The following SPA17 variants were observed in gnomAD, a reference collection of about 807,000 sequenced individuals.
SPA17 encodes sperm autoantigenic protein 17.
SPA17 carries 7 observed loss-of-function variants against 13.8 expected under a neutral mutation model. That is an observed-to-expected ratio of 0.51 (90% confidence interval 0.29 to 0.95). The LOEUF (loss-of-function observed/expected upper bound fraction) is 0.95. Among genes scored for constraint, SPA17 ranks in the 40% least tolerant of loss-of-function variants. SPA17 has a pLI of 0.08. For synonymous variants in SPA17, 61 were observed against 59.0 expected (o/e 1.03, Z -0.16); for missense variants, 170 against 179.3 (o/e 0.95, Z 0.30).
chr11:124,683,353 C>T (rs1943545533), intron 3 of SPA17, among the ~76,000 whole-genome samples: 3 of 151,884 alleles, frequency 2.0e-5, no homozygotes, highest in South Asian at 2.1e-4. Flanking sequence ...AATGGGCCCA[C>T]TACAGAATTC....
intron 2 of SPA17, among the ~76,000 whole-genome samples, chr11:124,678,246 C>T (rs890439788): frequency 2.6e-5 from 4 of 151,812 alleles, no homozygotes; most frequent in African/African-American, 4.8e-5. Flanking sequence ...AACTATCTCT[C>T]GATAATACTA....
intron 4 of SPA17, among the ~76,000 whole-genome samples, chr11:124,692,412 C>G (rs1189568285): frequency 1.3e-5 from 2 of 151,878 alleles, no homozygotes; most frequent in Non-Finnish European, 2.9e-5. Context: ...AACCCCATCT[C>G]TACTAAAAAT....
chr11:124,680,531 G>A (rs1334314809), intron 2 of SPA17, among the ~76,000 whole-genome samples: 1 of 152,174 alleles, frequency 6.6e-6, no homozygotes, highest in African/African-American at 2.4e-5. Flanking sequence ...AGAGCTGTGT[G>A]TGCCCGTTTT....
At chr11:124,692,803 A>G (rs960636686) in intron 4 of SPA17, among the ~76,000 whole-genome samples, 2 of 152,174 alleles carry the variant, frequency 1.3e-5, no homozygotes, top group African/African-American at 2.4e-5. Context: ...TAGGCCTCAT[A>G]AGAAAGAAGA....
intron 3 of SPA17, among the ~76,000 whole-genome samples, chr11:124,687,121 A>G (rs1943584863): frequency 6.6e-6 from 1 of 152,208 alleles, no homozygotes; most frequent in Non-Finnish European, 1.5e-5. Flanking sequence ...GATAGCACAG[A>G]AATACAAATG....
intron 4 of SPA17, among the ~76,000 whole-genome samples, chr11:124,692,938 C>G (rs1943637231): frequency 6.6e-6 from 1 of 152,206 alleles, no homozygotes; most frequent in South Asian, 2.1e-4. Flanking sequence ...TACTTCCTAC[C>G]TAGTGATGCA....
At chr11:124,675,468 G>C (rs370633521) in intron 2 of SPA17, 50 bp downstream of exon 2, 5 of 1,587,562 alleles carry the variant, frequency 3.1e-6, no homozygotes, top group Non-Finnish European at 4.3e-6. Context: ...CTAAGCATTT[G>C]TTTATGGTAA....
rs1030515550 is a variant in SPA17 at position 124,681,260 on chromosome 11, T to C, written c.155-129T>C. The C allele has an allele frequency of 9.3e-6, 5 of 539,392 alleles. No homozygotes were observed. In the African/African-American group the frequency reaches 9.8e-5, roughly 11 times the overall value. The allele number at this position is 539,392 out of a possible 1,614,324, so 33.4% of individuals were successfully genotyped here. ...CTGCAGTGCTACGCTATGCACAATG[T>C]CAATAAGATTTTGGACTGCCAGTAA... On this transcript the variant is annotated intron_variant, in intron 2 of 4. Transcript: ENST00000227135.
chr11:124,691,056 T>C (rs1219503892), intron 3 of SPA17, among the ~76,000 whole-genome samples: 2 of 152,222 alleles, frequency 1.3e-5, no homozygotes, highest in African/African-American at 4.8e-5. Flanking sequence ...TTTTTTTAAT[T>C]CTAAAGGCTT....
chr11:124,689,146 A>G (rs1943601552), intron 3 of SPA17, among the ~76,000 whole-genome samples: 1 of 152,196 alleles, frequency 6.6e-6, no homozygotes, highest in African/African-American at 2.4e-5. Context: ...ATCTCCCATC[A>G]TACACAAAAA....
At position 124,679,548 on chromosome 11, in the gene SPA17, C is replaced by T. The variant is rs1219976636; in HGVS notation, c.155-1841C>T. Among the ~76,000 whole-genome samples the T allele has an allele frequency of 2.0e-5, 3 of 152,152 alleles. No individual in the cohort carries two copies. In the East Asian group the frequency reaches 5.8e-4, roughly 29 times the overall value. On this transcript the variant is annotated intron_variant, in intron 2 of 4. Coordinates refer to ENST00000227135, the MANE Select transcript of SPA17 (RefSeq NM_017425.4). ...GAGTTGAAAAATATCAGTGTGACCT[C>T]ATGTTTTCTCTTTAAAAAATGAAAG...
intron 4 of SPA17, 113 bp from the exon 5 acceptor site, chr11:124,694,190 C>T: frequency 7.4e-7 from 1 of 1,346,100 alleles, no homozygotes; most frequent in Non-Finnish European, 1.0e-6. Context: ...CAGGAAGCAA[C>T]AGCTCTCAGA....
At chr11:124,682,212 C>A (rs985031607) in intron 3 of SPA17, among the ~76,000 whole-genome samples, 1 of 152,110 alleles carries the variant, frequency 6.6e-6, no homozygotes, top group African/African-American at 2.4e-5. Flanking sequence ...TCAAAACATT[C>A]TCTGTGTTCC....
chr11:124,694,673 C>A lies in SPA17; in HGVS notation c.*227C>A. 2.2e-6 allele frequency: 1 copy of A among 444,660 alleles called. No homozygotes were observed. The highest frequency in any genetic ancestry group is 3.9e-6 in the Non-Finnish European group (1 of 254,550). The allele number at this position is 444,660 out of a possible 1,614,324, so 27.5% of individuals were successfully genotyped here. On this transcript the variant is annotated 3_prime_UTR_variant, in exon 5 of 5. Coordinates refer to ENST00000227135, the MANE Select transcript of SPA17 (RefSeq NM_017425.4). ...TTGTTTACACTTGTCTCAAGCCTAT[C>A]TATAGAGACCCTTGGATTTAGAATT...
At position 124,695,752 on chromosome 11, in the gene SPA17, T is replaced by C. The variant is rs1370321492; in HGVS notation, c.*1306T>C. On this transcript the variant is annotated 3_prime_UTR_variant, in exon 5 of 5. Transcript: ENST00000227135. ...TTCCAGGATTACATCTCTCTTGGTT[T>C]ATAGTCACAAAGCCAGTGTTCCCCC... 6.6e-6 allele frequency: 1 copy of C among 152,284 alleles called. No homozygotes were observed. The highest frequency in any genetic ancestry group is 1.5e-5 in the Non-Finnish European group (1 of 68,084). 9.4% of individuals were successfully genotyped at this position (152,284 alleles called of 1,614,324 possible). A position where few individuals can be genotyped will look rare whatever the true frequency, so the allele number is the denominator to read the frequency against.
chr11:124,675,878 C>T (rs895969048), intron 2 of SPA17: 2 of 155,546 alleles, frequency 1.3e-5, no homozygotes, highest in African/African-American at 2.4e-5. Context: ...AAGAATTCTG[C>T]ACTCTTTAAA....
In SPA17 at chr11:124,675,730, A is replaced by G. The variant is rs190754420; in HGVS notation, c.154+312A>G. On this transcript the variant is annotated intron_variant, in intron 2 of 4. Transcript: ENST00000227135. ...GAAATCAGTGGGGGAAAAAAAGATC[A>G]TACAGTCTACCCTCGCCACGTTCCA... 3.8e-5 allele frequency: 9 copies of G among 238,412 alleles called. No homozygotes were observed. In the East Asian group the frequency reaches 1.1e-3, roughly 28 times the overall value. The allele number at this position is 238,412 out of a possible 1,614,324, so 14.8% of individuals were successfully genotyped here.
intron 2 of SPA17, among the ~76,000 whole-genome samples, chr11:124,678,997 T>G (rs1469693368): frequency 6.6e-6 from 1 of 152,106 alleles, no homozygotes; most frequent in Non-Finnish European, 1.5e-5. Flanking sequence ...TTAACATAGT[T>G]ATAATTTTAA....
At chr11:124,677,262 A>T (rs1478511942) in intron 2 of SPA17, among the ~76,000 whole-genome samples, 1 of 152,160 alleles carries the variant, frequency 6.6e-6, no homozygotes, top group Admixed American at 6.6e-5. Context: ...AAAAACAATC[A>T]TTATGGACCT....
Sources: allele counts gnomAD v4.1 joint callset (sites outside exome capture counted in the v4.1 genomes callset), GRCh38; gene constraint gnomAD v4.1.1; transcripts MANE v1.5; gene names NCBI Gene and HGNC (gene_info 2026-07-23, HGNC 2026-07-21).